SV2C: variants seen among roughly 807,000 people sequenced by gnomAD.
SV2C encodes the protein synaptic vesicle glycoprotein 2C.
Under a neutral mutation model 79.7 loss-of-function variants are expected in SV2C, and 49 were observed. That is an observed-to-expected ratio of 0.61 (90% CI 0.49 to 0.78). The LOEUF is 0.78. Among genes scored for constraint, SV2C ranks in the 30% least tolerant of loss-of-function variants. The pLI is 0.00. For synonymous variants in SV2C, 334 were observed against 333.2 expected, an observed-to-expected ratio of 1.00 and a Z score of -0.03; for missense variants, 833 against 912.9, an observed-to-expected ratio of 0.91 and a Z score of 1.13.
intron 2 of SV2C, among the ~76,000 whole-genome samples, chr5:76,138,952 A>T (rs1173196886): frequency 6.6e-6 from 1 of 152,106 alleles, no homozygotes; most frequent in Non-Finnish European, 1.5e-5. Flanking sequence ...CCCCATCTCT[A>T]CTAAAAATCC....
the SV2C span, among the ~76,000 whole-genome samples, chr5:75,946,030 T>G: frequency 6.6e-6 from 1 of 150,658 alleles, no homozygotes. Flanking sequence ...TAGAAAAAAA[T>G]GAAATTCAAA....
chr5:75,957,134 C>T, the SV2C span, among the ~76,000 whole-genome samples: 97,467 of 151,806 alleles, frequency 0.64, 32,787 homozygotes, highest in African/African-American at 0.8. Context: ...TATTCACTTA[C>T]TGAGGAAGAG....
At chr5:76,059,487 C>T in the SV2C span, among the ~76,000 whole-genome samples, 2 of 149,116 alleles carry the variant, frequency 1.3e-5, no homozygotes, top group Non-Finnish European at 3.0e-5. Context: ...TGAAGAAATC[C>T]TTTTTTTTTT....
rs541347822 is a variant in SV2C, at chr5:76,086,444, G to A, written c.-102+2932G>A. Among the ~76,000 whole-genome samples the A allele has an allele frequency of 2.0e-5, 3 of 152,326 alleles. No homozygotes were observed. In the South Asian group the frequency reaches 6.2e-4, roughly 32 times the overall value. On this transcript the variant is annotated intron_variant, in intron 1 of 12. Coordinates refer to ENST00000502798, the MANE Select transcript of SV2C (RefSeq NM_014979.4). ...AGATGACGGTAGATTTCTGTGAGTA[G>A]TGAAAGCAAAATGCCTCTTTTTCTG... is the stretch of plus-strand genomic sequence containing the variant.
At chr5:76,324,025 A>C (rs1748909777) in intron 12 of SV2C, among the ~76,000 whole-genome samples, 1 of 152,242 alleles carries the variant, frequency 6.6e-6, no homozygotes, top group Admixed American at 6.5e-5. Context: ...ATACAAAATA[A>C]ATAAAAAATA....
chr5:76,335,687 A>T (rs1342132121), downstream of SV2C, among the ~76,000 whole-genome samples: 2 of 152,144 alleles, frequency 1.3e-5, no homozygotes, highest in African/African-American at 4.8e-5. Context: ...CCCTTAATCC[A>T]TTTAACCCTG....
At chr5:76,336,803 G>A (rs907514987), downstream of SV2C, among the ~76,000 whole-genome samples, 1 of 152,218 alleles carries the variant, frequency 6.6e-6, no homozygotes, top group African/African-American at 2.4e-5. Context: ...GCTGTTGAAT[G>A]AGGGAGAAAA....
intron 1 of SV2C, among the ~76,000 whole-genome samples, chr5:76,130,920 T>C (rs1748867564): frequency 1.3e-5 from 2 of 152,108 alleles, no homozygotes; most frequent in African/African-American, 2.4e-5. Context: ...CCTGAAGGCC[T>C]GGGGGTAGTT....
At chr5:75,980,634 AG>A in the SV2C span, among the ~76,000 whole-genome samples, 2 of 152,238 alleles carry the variant, frequency 1.3e-5, no homozygotes, top group African/African-American at 4.8e-5. Flanking sequence ...CGATAGATGT[AG>A]AAAAGGCTTT....
At chr5:75,971,575 A>C in the SV2C span, among the ~76,000 whole-genome samples, 1 of 152,146 alleles carries the variant, frequency 6.6e-6, no homozygotes, top group African/African-American at 2.4e-5. Flanking sequence ...CCCATTCACA[A>C]TTGCTTCAAA....
chr5:75,864,751 T>C, the SV2C span, among the ~76,000 whole-genome samples: 1 of 152,216 alleles, frequency 6.6e-6, no homozygotes, highest in Non-Finnish European at 1.5e-5. Flanking sequence ...AAAGTAACCT[T>C]GCTGCATTCT....
At chr5:76,311,564 G>A (rs1472368367) in intron 12 of SV2C, 2 of 152,196 alleles carry the variant, frequency 1.3e-5, no homozygotes, top group African/African-American at 2.4e-5. Context: ...GAATATACAA[G>A]TCATTGTATA....
chr5:75,938,000 G>A, the SV2C span, among the ~76,000 whole-genome samples: 2 of 151,892 alleles, frequency 1.3e-5, no homozygotes, highest in Non-Finnish European at 2.9e-5. Flanking sequence ...GAGACAAGGA[G>A]GCAACACAAG....
At chr5:76,265,821 C>A (rs934670476) in intron 4 of SV2C, among the ~76,000 whole-genome samples, 1 of 152,158 alleles carries the variant, frequency 6.6e-6, no homozygotes, top group Non-Finnish European at 1.5e-5. Context: ...CCAGCCAGTC[C>A]CAGTGAGATG....
At chr5:75,956,799 T>C in the SV2C span, among the ~76,000 whole-genome samples, 1 of 151,934 alleles carries the variant, frequency 6.6e-6, no homozygotes, top group Non-Finnish European at 1.5e-5. Context: ...CTCTGGGCTT[T>C]CAGAACTAGC....
intron 10 of SV2C, among the ~76,000 whole-genome samples, 177 bp downstream of exon 10, chr5:76,299,104 G>C (rs1747888337): frequency 6.6e-6 from 1 of 152,188 alleles, no homozygotes; most frequent in African/African-American, 2.4e-5. Context: ...GTCTTTGTCA[G>C]ATTTAGTGCA....
chr5:75,985,427 T>C, the SV2C span, among the ~76,000 whole-genome samples: 12 of 151,990 alleles, frequency 7.9e-5, no homozygotes, highest in Non-Finnish European at 2.9e-5. Flanking sequence ...AACTGGGAAC[T>C]ACAGTCAGGT....
chr5:76,079,938 T>C (rs1212272905), upstream of SV2C, among the ~76,000 whole-genome samples: 1 of 152,028 alleles, frequency 6.6e-6, no homozygotes, highest in Non-Finnish European at 1.5e-5. Flanking sequence ...TTTGATGAGC[T>C]TAGGGTGTTT....
At chr5:75,982,012 T>A in the SV2C span, among the ~76,000 whole-genome samples, 1 of 139,404 alleles carries the variant, frequency 7.2e-6, no homozygotes. Flanking sequence ...TTCTCACTCA[T>A]AGATGGGAAT....
Sources: allele counts gnomAD v4.1 joint callset (sites outside exome capture counted in the v4.1 genomes callset), GRCh38; gene constraint gnomAD v4.1.1; transcripts MANE v1.5; gene names NCBI Gene and HGNC (gene_info 2026-07-23, HGNC 2026-07-21).